DCK: variants seen among roughly 807,000 people sequenced by gnomAD.
DCK encodes deoxyadenosine kinase.
Under a neutral mutation model 38.3 loss-of-function variants are expected in DCK, and 23 were observed. The ratio of observed to expected loss-of-function variants is 0.60; its 90% CI spans 0.43 to 0.85. The LOEUF (loss-of-function observed/expected upper bound fraction) is 0.85, where lower values mean the gene tolerates loss of function less well. Ranked by LOEUF, DCK falls within the 40% of genes least tolerant of loss-of-function variation. The pLI is 0.00. For missense variants in DCK, 259 were observed against 304.4 expected (o/e 0.85, Z 1.11); for synonymous variants, 108 against 100.6 (o/e 1.07, Z -0.44).
chr4:71,019,185 C>A (rs1259521824), intron 2 of DCK, among the ~76,000 whole-genome samples: 2 of 152,006 alleles, frequency 1.3e-5, no homozygotes, highest in Non-Finnish European at 2.9e-5. Context: ...GCTGAAAATT[C>A]TATTTCAGAT....
intron 6 of DCK, chr4:71,028,613 C>A (rs200467441): frequency 1.0e-5 from 2 of 197,590 alleles, no homozygotes; most frequent in South Asian, 6.3e-5. Context: ...TCTTTTTTTT[C>A]TCGAGACAGT....
chr4:71,003,800 T>G (rs1739870311), intron 2 of DCK, among the ~76,000 whole-genome samples: 1 of 152,244 alleles, frequency 6.6e-6, no homozygotes, highest in African/African-American at 2.4e-5. Context: ...GTTTTTCAGC[T>G]CCATCAGGTC....
Position 70,993,887 on chromosome 4 carries a change from G to A in DCK, c.52G>A (p.Gly18Arg). The A allele has an allele frequency of 6.2e-7, 1 of 1,614,076 alleles. No individual in the cohort carries two copies. The highest frequency in any genetic ancestry group is 1.3e-5 in the African/African-American group (1 of 75,052). The part of the protein sequence containing the change: ...SCPSFSASSE[G>R]TRIKKISIEG... ...CCCGTCTTTCTCAGCCAGCTCTGAGGGGACCCGCATCAAGAAAATCTCCAT... is the reference window on the plus strand; with the variant it reads ...CCCGTCTTTCTCAGCCAGCTCTGAGAGGACCCGCATCAAGAAAATCTCCAT... The change falls in exon 1 of 7, where the codon GGG becomes AGG. Residue 18 changes from glycine to arginine, a missense_variant. Coordinates refer to ENST00000286648, the MANE Select transcript of DCK (RefSeq NM_000788.3).
chr4:71,022,539 A>C lies in DCK; in HGVS notation c.380A>C (p.Glu127Ala), dbSNP rs1740453675. The C allele has an allele frequency of 8.2e-6, 13 of 1,591,444 alleles. 1 individual carries two copies. The highest frequency in any genetic ancestry group is 1.1e-5 in the Non-Finnish European group (13 of 1,172,436). The change falls in exon 3 of 7, where the codon GAA becomes GCA. Residue 127 changes from glutamate (E) to alanine (A), a missense_variant. Transcript: ENST00000286648. ...KDAEKPVLFF[E>A]RSVYSDRYIF... The stretch of plus-strand genomic sequence containing the variant: ...GCAGAGAAACCTGTATTATTTTTTG[A>C]ACGATCTGTGTATAGTGACAGGTAT...
At chr4:71,025,079 C>T (rs1273721741) in intron 4 of DCK, among the ~76,000 whole-genome samples, 1 of 151,902 alleles carries the variant, frequency 6.6e-6, no homozygotes, top group African/African-American at 2.4e-5. Context: ...AGGTTGGAGG[C>T]TTTTATTTCT....
chr4:71,003,440 G>T (rs146906995), intron 2 of DCK, among the ~76,000 whole-genome samples: 1 of 152,108 alleles, frequency 6.6e-6, no homozygotes, highest in African/African-American at 2.4e-5. Flanking sequence ...GTGTCTTGGC[G>T]TTGCTCTTCT....
rs199750727 is a variant in DCK, at chr4:71,030,096, C to T, written c.*718C>T. ...GTTTTTCTCTTTTTCAGACAAATTA[C>T]TGATAAAAATGATATTGCTCTATAT... On this transcript the variant is annotated 3_prime_UTR_variant, in exon 7 of 7. Transcript: ENST00000286648. 6.6e-6 allele frequency: 1 copy of T among 152,508 alleles called. No homozygotes were observed. The allele number at this position is 152,508 out of a possible 1,614,324, so 9.4% of individuals were successfully genotyped here.
At chr4:71,016,148 CAGAG>C (rs1162811494) in intron 2 of DCK, among the ~76,000 whole-genome samples, 4 of 152,098 alleles carry the variant, frequency 2.6e-5, no homozygotes, top group South Asian at 2.1e-4. Flanking sequence ...AACAGACAAA[CAGAG>C]AGCCAAATCA....
chr4:71,007,950 C>T lies in DCK; in HGVS notation c.207+9768C>T, dbSNP rs375631677. On this transcript the variant is annotated intron_variant, in intron 2 of 6. Coordinates refer to ENST00000286648, the MANE Select transcript of DCK (RefSeq NM_000788.3). ...CCATGTTACCCAGGCTGGTTTCAAA[C>T]TCCTGGGCTCAAGCGATCTGCCCAT... Among the ~76,000 whole-genome samples, 45 of 152,294 alleles carry T rather than the reference C, an allele frequency of 3.0e-4. No homozygotes were observed. The East Asian group carries it at 7.9e-3, about 27-fold the overall frequency.
At chr4:70,998,495 G>A (rs970278450) in intron 2 of DCK, among the ~76,000 whole-genome samples, 9 of 152,068 alleles carry the variant, frequency 5.9e-5, no homozygotes, top group Non-Finnish European at 1.2e-4. Flanking sequence ...ATCTAGAGAT[G>A]ATTTATACTA....
intron 2 of DCK, among the ~76,000 whole-genome samples, chr4:71,005,906 G>A (rs1352681068): frequency 1.4e-4 from 21 of 151,230 alleles, no homozygotes; most frequent in African/African-American, 3.2e-4. Flanking sequence ...CAGGTGGATC[G>A]CCTGAGGTCA....
rs960126355 is a variant in DCK at position 70,996,906 on chromosome 4, G to A, written c.92-1161G>A. ...ATGACTTTTTAAAGTATTAACATCA[G>A]TGTCTTTGGTTCTTGTTCTCCTTTG... On this transcript the variant is annotated intron_variant, in intron 1 of 6. Coordinates refer to ENST00000286648, the MANE Select transcript of DCK (RefSeq NM_000788.3). Among the ~76,000 whole-genome samples the A allele has an allele frequency of 3.3e-5, 5 of 152,132 alleles. No homozygotes were observed. In the East Asian group the frequency reaches 9.6e-4, roughly 29 times the overall value.
rs745977177 is a variant in DCK at position 71,026,736 on chromosome 4, A to T, written c.737A>T (p.Tyr246Phe). The change falls in exon 6 of 7, where the codon TAT (tyrosine) becomes TTT (phenylalanine). Residue 246 changes from tyrosine (Y) to phenylalanine (F), a missense_variant. Physicochemically the swap from Tyr to Phe is conservative, Grantham distance 22. Coordinates refer to ENST00000286648, the MANE Select transcript of DCK (RefSeq NM_000788.3). ...LDVNEDFKDK[Y>F]ESLVEKVKEF... ...GTTAATGAAGACTTTAAAGACAAAT[A>T]TGAAAGTCTGGTTGAAAAGGTAGAT... The T allele has an allele frequency of 6.5e-7, 1 of 1,541,202 alleles. No homozygotes were observed.
chr4:71,009,282 T>C (rs777663921), intron 2 of DCK, among the ~76,000 whole-genome samples: 2 of 152,192 alleles, frequency 1.3e-5, no homozygotes, highest in Non-Finnish European at 2.9e-5. Flanking sequence ...CTGTTAACTG[T>C]TGGGAGTATA....
chr4:71,019,558 A>G (rs1385800823), intron 2 of DCK, among the ~76,000 whole-genome samples: 1 of 152,184 alleles, frequency 6.6e-6, no homozygotes, highest in Non-Finnish European at 1.5e-5. Flanking sequence ...AAGAACCTCT[A>G]TCTTAGAGAA....
chr4:70,995,097 A>T (rs1412512570), intron 1 of DCK, among the ~76,000 whole-genome samples: 1 of 152,216 alleles, frequency 6.6e-6, no homozygotes, highest in African/African-American at 2.4e-5. Flanking sequence ...GAATAGAAAA[A>T]CTGCATTCTC....
At chr4:71,029,177 A>G (rs555589682) in intron 6 of DCK, among the ~76,000 whole-genome samples, 175 bp from the exon 7 acceptor site, 2 of 152,348 alleles carry the variant, frequency 1.3e-5, no homozygotes, top group African/African-American at 4.8e-5. Context: ...TACAGGCATG[A>G]GCCGCTGCGC....
Position 71,025,831 on chromosome 4 carries a change from A to G in DCK, c.565A>G (p.Ile189Val). The change falls in exon 5 of 7, where the codon ATA (isoleucine) becomes GTA (valine). Residue 189 changes from isoleucine to valine, a missense_variant. By Grantham distance (29) the Ile-to-Val change is conservative. Transcript: ENST00000286648. Reference sequence around the variant, plus strand: ...TTGCTTTTAGACATGCTTACATAGAATATATTTACGGGGAAGAAATGAAGA... The same window carrying G: ...TTGCTTTTAGACATGCTTACATAGAGTATATTTACGGGGAAGAAATGAAGA... ...QATPETCLHR[I>V]YLRGRNEEQG... The G allele has an allele frequency of 6.2e-7, 1 of 1,609,194 alleles. No individual in the cohort carries two copies. Among genetic ancestry groups the G allele is most frequent in the Non-Finnish European group, 8.5e-7 (1 of 1,178,068 alleles).
intron 3 of DCK, 29 bp downstream of exon 3, chr4:71,022,589 T>C: frequency 7.6e-7 from 1 of 1,312,854 alleles, no homozygotes; most frequent in Non-Finnish European, 9.8e-7. Flanking sequence ...TACGTGGCCA[T>C]TTGAAGTTTT....
Sources: gnomAD v4.1 joint callset for allele counts (sites outside exome capture counted in the v4.1 genomes callset) on GRCh38, gnomAD v4.1.1 for gene constraint, MANE v1.5 for transcripts, NCBI Gene and HGNC (gene_info 2026-07-23, HGNC 2026-07-21) for gene names.